Variants in CKAP5 observed in about 807,000 individuals in gnomAD.
CKAP5 encodes the protein cytoskeleton associated protein 5, also known as cytoskeleton-associated protein 5.
Under a neutral mutation model 232.8 loss-of-function variants are expected in CKAP5, and 27 were observed. That is an observed-to-expected ratio of 0.12 (90% confidence interval 0.09 to 0.16). The LOEUF is 0.16. CKAP5 is among the 10% of genes least tolerant of loss of function. CKAP5 has a pLI of 1.00. For synonymous variants in CKAP5, 785 were observed against 841.1 expected (o/e 0.93, Z 1.16); for missense variants, 1,838 against 2,424.7 (o/e 0.76, Z 5.08).
At chr11:46,761,943 A>C in intron 32 of CKAP5, 57 bp downstream of exon 32, 50 of 1,416,578 alleles carry the variant, frequency 3.5e-5, no homozygotes, top group Non-Finnish European at 4.5e-5. Context: ...CCTAACACCT[A>C]GGAGATCTTG....
At chr11:46,778,649 GAACA>G (rs1261171832) in intron 20 of CKAP5, 50 bp from the exon 21 acceptor site, 12 of 1,511,014 alleles carry the variant, frequency 7.9e-6, no homozygotes, top group African/African-American at 1.4e-5. Flanking sequence ...TAGGATATGG[GAACA>G]AACAAATTAG....
intron 23 of CKAP5, 121 bp from the exon 24 acceptor site, chr11:46,776,504 T>C (rs1206903616): frequency 8.0e-6 from 5 of 628,482 alleles, no homozygotes; most frequent in Admixed American, 3.5e-5. Context: ...TGAACATACA[T>C]GAAACCATCT....
At chr11:46,804,086 C>G (rs1939097913) in intron 8 of CKAP5, among the ~76,000 whole-genome samples, 1 of 152,168 alleles carries the variant, frequency 6.6e-6, no homozygotes, top group Non-Finnish European at 1.5e-5. Context: ...TCATTCTATT[C>G]CTTTCTTAGG....
chr11:46,750,189 AT>A (rs2065052645), intron 42 of CKAP5, 84 bp downstream of exon 42: 1 of 1,345,388 alleles, frequency 7.4e-7, no homozygotes. Flanking sequence ...GTTCATGGAT[AT>A]GAATTTAAAC....
At chr11:46,836,233 G>A (rs1415719612) in intron 1 of CKAP5, among the ~76,000 whole-genome samples, 1 of 152,176 alleles carries the variant, frequency 6.6e-6, no homozygotes, top group Non-Finnish European at 1.5e-5. Context: ...TTGTTTAAAC[G>A]ATGTTAATAA....
chr11:46,820,654 A>C (rs2134690046), intron 2 of CKAP5: 1 of 152,300 alleles, frequency 6.6e-6, no homozygotes, highest in African/African-American at 2.4e-5. Flanking sequence ...GGAAAAAATA[A>C]GATAATCTGA....
chr11:46,845,505 C>A (rs1177572792), intron 1 of CKAP5, among the ~76,000 whole-genome samples: 2 of 152,196 alleles, frequency 1.3e-5, no homozygotes, highest in Admixed American at 6.5e-5. Context: ...CAACAATTAC[C>A]ACGATTACAA....
intron 33 of CKAP5, 43 bp from the exon 34 acceptor site, chr11:46,759,485 T>G: frequency 6.3e-7 from 1 of 1,576,782 alleles, no homozygotes; most frequent in East Asian, 2.2e-5. Context: ...AAGAGACTTC[T>G]TAACCAAAGG....
intron 1 of CKAP5, among the ~76,000 whole-genome samples, chr11:46,841,430 G>A (rs1592495510): frequency 6.6e-6 from 1 of 152,118 alleles, no homozygotes; most frequent in Non-Finnish European, 1.5e-5. Context: ...ACTTATTAAA[G>A]TTTCTTATTC....
chr11:46,752,191 T>TACACACAC (rs1394587501), intron 38 of CKAP5, among the ~76,000 whole-genome samples: 3 of 73,166 alleles, frequency 4.1e-5, no homozygotes, highest in African/African-American at 9.1e-5. Flanking sequence ...TATATATATA[T>TACACACAC]ATACACACAC....
chr11:46,755,396 A>G (rs753087374), intron 35 of CKAP5, among the ~76,000 whole-genome samples: 3 of 151,834 alleles, frequency 2.0e-5, no homozygotes, highest in Non-Finnish European at 4.4e-5. Flanking sequence ...TTAAGTAGAG[A>G]CGGGGTTTCA....
At chr11:46,746,954 G>A (rs1404393054) in intron 42 of CKAP5, among the ~76,000 whole-genome samples, 1 of 152,088 alleles carries the variant, frequency 6.6e-6, no homozygotes, top group Non-Finnish European at 1.5e-5. Flanking sequence ...GGGGCAACAT[G>A]GTGAAACCCT....
intron 13 of CKAP5, 90 bp from the exon 14 acceptor site, chr11:46,790,673 C>CAAAAA: frequency 2.2e-6 from 2 of 915,206 alleles, no homozygotes; most frequent in Non-Finnish European, 3.3e-6. Flanking sequence ...GACAGTGTCT[C>CAAAAA]ATATTGTTGT....
chr11:46,819,712 C>T (rs1327220313), intron 2 of CKAP5, among the ~76,000 whole-genome samples: 2 of 151,904 alleles, frequency 1.3e-5, no homozygotes, highest in Non-Finnish European at 2.9e-5. Context: ...GGGGCAGGTG[C>T]TATGCTCACA....
chr11:46,749,404 G>A (rs1464253656), intron 42 of CKAP5, among the ~76,000 whole-genome samples: 3 of 142,938 alleles, frequency 2.1e-5, no homozygotes, highest in Admixed American at 7.2e-5. Context: ...GCAGTGAGCT[G>A]AGATTACACC....
At chr11:46,821,663 T>A (rs867195512) in intron 1 of CKAP5, among the ~76,000 whole-genome samples, 2 of 152,044 alleles carry the variant, frequency 1.3e-5, no homozygotes, top group Admixed American at 1.3e-4. Flanking sequence ...GACCTCGTGA[T>A]CCACCCGCCT....
At chr11:46,744,301 G>T in intron 43 of CKAP5, 36 bp from the exon 44 acceptor site, 1 of 1,613,396 alleles carries the variant, frequency 6.2e-7, no homozygotes, top group East Asian at 2.2e-5. Context: ...CTAAGGTCAG[G>T]TCAAGCAGGT....
At position 46,793,491 on chromosome 11, in the gene CKAP5, T is replaced by C. The variant is rs188624679; in HGVS notation, c.1650+2103A>G. Reference sequence around the variant, plus strand: ...TACACTGTACAAAGGTGTAAACACCTGGACTGGCATGAAGACTCAGTGATG... The same window carrying C: ...TACACTGTACAAAGGTGTAAACACCCGGACTGGCATGAAGACTCAGTGATG... On this transcript the variant is annotated intron_variant, in intron 13 of 43. Transcript: ENST00000529230. Among the ~76,000 whole-genome samples the C allele has an allele frequency of 1.2e-4, 19 of 152,382 alleles. No individual in the cohort carries two copies. In the East Asian group the frequency reaches 3.7e-3, roughly 29 times the overall value.
chr11:46,797,432 T>C (rs1254975219), intron 11 of CKAP5, among the ~76,000 whole-genome samples: 1 of 152,188 alleles, frequency 6.6e-6, no homozygotes. Context: ...AGGAAACCCT[T>C]GGTAATCCAT....
Sources: gnomAD v4.1 joint callset for allele counts (sites outside exome capture counted in the v4.1 genomes callset) on GRCh38, gnomAD v4.1.1 for gene constraint, MANE v1.5 for transcripts, NCBI Gene and HGNC (gene_info 2026-07-23, HGNC 2026-07-21) for gene names.